ADAMTS19: variants seen among roughly 807,000 people sequenced by gnomAD.
ADAMTS19 encodes the protein ADAM metallopeptidase with thrombospondin type 1 motif 19.
Under a neutral mutation model 153.3 loss-of-function variants are expected in ADAMTS19, and 93 were observed. That is an observed-to-expected ratio of 0.61 (90% CI 0.51 to 0.72). The LOEUF (loss-of-function observed/expected upper bound fraction) is 0.72, where lower values mean the gene tolerates loss of function less well. ADAMTS19 is among the 30% of genes least tolerant of loss of function. The pLI is 0.00. For synonymous variants in ADAMTS19, 600 were observed against 556.6 expected (o/e 1.08, Z -1.10); for missense variants, 1,482 against 1,552.1 (o/e 0.95, Z 0.76).
intron 8 of ADAMTS19, among the ~76,000 whole-genome samples, chr5:129,606,433 G>A (rs575685475): frequency 5.9e-5 from 9 of 151,878 alleles, no homozygotes; most frequent in African/African-American, 2.2e-4. Context: ...TTCATTCTTC[G>A]TCCGAGAAAG....
At chr5:129,687,470 G>C (rs1019147809) in intron 18 of ADAMTS19, among the ~76,000 whole-genome samples, 1 of 152,088 alleles carries the variant, frequency 6.6e-6, no homozygotes, top group Non-Finnish European at 1.5e-5. Flanking sequence ...AATTGTCTAG[G>C]ATCAACATTC....
chr5:129,666,547 T>C (rs938541340), intron 16 of ADAMTS19, among the ~76,000 whole-genome samples: 1 of 152,160 alleles, frequency 6.6e-6, no homozygotes, highest in Non-Finnish European at 1.5e-5. Flanking sequence ...AAATACATAA[T>C]CTAAACTCAG....
chr5:129,489,513 T>C (rs940023147), intron 2 of ADAMTS19, among the ~76,000 whole-genome samples: 3 of 152,106 alleles, frequency 2.0e-5, no homozygotes, highest in African/African-American at 7.2e-5. Flanking sequence ...TAAAACAAAA[T>C]TTGTATGCTA....
chr5:129,530,103 C>T (rs1002646979), intron 6 of ADAMTS19, among the ~76,000 whole-genome samples: 8 of 152,056 alleles, frequency 5.3e-5, no homozygotes, highest in African/African-American at 1.9e-4. Flanking sequence ...CAGCTGTAAG[C>T]ACTCTTCAGA....
chr5:129,474,671 A>G (rs534327836), intron 2 of ADAMTS19, among the ~76,000 whole-genome samples: 3 of 151,342 alleles, frequency 2.0e-5, no homozygotes, highest in Non-Finnish European at 4.4e-5. Context: ...GAACATTTCT[A>G]TCAACTCAAA....
At chr5:129,644,166 T>C (rs1001088060) in intron 11 of ADAMTS19, among the ~76,000 whole-genome samples, 1 of 152,244 alleles carries the variant, frequency 6.6e-6, no homozygotes, top group African/African-American at 2.4e-5. Flanking sequence ...TATTTTCCTA[T>C]AATTGTGTTA....
intron 6 of ADAMTS19, among the ~76,000 whole-genome samples, chr5:129,530,818 A>G (rs1174868606): frequency 1.4e-5 from 2 of 142,888 alleles, no homozygotes; most frequent in Non-Finnish European, 3.1e-5. Flanking sequence ...GTAAAGCAGG[A>G]AAAAAAAAAA....
intron 19 of ADAMTS19, among the ~76,000 whole-genome samples, chr5:129,696,401 G>A (rs376911083): frequency 9.2e-5 from 14 of 152,210 alleles, no homozygotes; most frequent in South Asian, 2.1e-4. Flanking sequence ...AAAGAAGAGC[G>A]AAACTACATC....
At chr5:129,718,299 T>C (rs1474512804) in intron 21 of ADAMTS19, among the ~76,000 whole-genome samples, 3 of 152,134 alleles carry the variant, frequency 2.0e-5, no homozygotes, top group African/African-American at 7.2e-5. Context: ...TATAAATATA[T>C]GTAAACATTT....
Position 129,708,210 on chromosome 5 carries a change from C to T in ADAMTS19, c.3312+3819C>T, listed in dbSNP as rs79656465. ...TGATTTCTAAGAAAAAGTAATGCAGCCTTTGTTGAAAAATGTTCACGTTTA... is the reference window on the plus strand; with the variant it reads ...TGATTTCTAAGAAAAAGTAATGCAGTCTTTGTTGAAAAATGTTCACGTTTA... On this transcript the variant is annotated intron_variant, in intron 21 of 22. Coordinates refer to ENST00000274487, the MANE Select transcript of ADAMTS19 (RefSeq NM_133638.6). Among the ~76,000 whole-genome samples, 313 of 152,144 alleles carry T rather than the reference C, an allele frequency of 2.1e-3. 2 individuals carry two copies. The highest frequency in any genetic ancestry group is 7.3e-3 in the African/African-American group (302 of 41,508).
intron 8 of ADAMTS19, among the ~76,000 whole-genome samples, chr5:129,610,666 C>T (rs984811295): frequency 6.6e-6 from 1 of 152,136 alleles, no homozygotes; most frequent in Admixed American, 6.6e-5. Flanking sequence ...ATATGTGCCA[C>T]ATTTTCTTAA....
At chr5:129,480,413 A>G (rs1275408012) in intron 2 of ADAMTS19, among the ~76,000 whole-genome samples, 1 of 152,214 alleles carries the variant, frequency 6.6e-6, no homozygotes, top group African/African-American at 2.4e-5. Context: ...TGGACATCTT[A>G]AGTATTAAAA....
intron 2 of ADAMTS19, among the ~76,000 whole-genome samples, chr5:129,475,312 A>C (rs1030370677): frequency 3.3e-5 from 5 of 152,138 alleles, no homozygotes; most frequent in Admixed American, 6.5e-5. Flanking sequence ...GTGGTATCTC[A>C]GCACCATTTG....
intron 10 of ADAMTS19, among the ~76,000 whole-genome samples, chr5:129,628,437 T>C (rs1022808606): frequency 4.0e-5 from 6 of 150,890 alleles, no homozygotes; most frequent in African/African-American, 1.5e-4. Flanking sequence ...ACCTGTAATA[T>C]ACCCCTGAAC....
intron 21 of ADAMTS19, among the ~76,000 whole-genome samples, chr5:129,729,845 T>C (rs1015426779): frequency 3.9e-5 from 6 of 151,992 alleles, no homozygotes. Context: ...TCCCTTGGAG[T>C]TGATTATGTA....
chr5:129,622,375 C>T (rs765219995), intron 10 of ADAMTS19, 27 bp downstream of exon 10: 7 of 1,612,390 alleles, frequency 4.3e-6, no homozygotes, highest in African/African-American at 4.0e-5. Flanking sequence ...GGATTTTGTG[C>T]GTTCATTCAT....
At chr5:129,713,938 C>A (rs2127185695) in intron 21 of ADAMTS19, among the ~76,000 whole-genome samples, 1 of 152,128 alleles carries the variant, frequency 6.6e-6, no homozygotes, top group Non-Finnish European at 1.5e-5. Flanking sequence ...CTTAGTCCCC[C>A]TAGCCTCAAA....
At chr5:129,602,415 C>A (rs1750704443) in intron 8 of ADAMTS19, among the ~76,000 whole-genome samples, 1 of 152,168 alleles carries the variant, frequency 6.6e-6, no homozygotes, top group Admixed American at 6.5e-5. Flanking sequence ...TTCAAAATCC[C>A]ATATTTTATA....
In ADAMTS19 at chr5:129,526,435, C is replaced by T; in HGVS notation, c.1065C>T (p.Phe355=). The T allele has an allele frequency of 6.3e-7, 1 of 1,595,958 alleles. No homozygotes were observed. Among genetic ancestry groups the T allele is most frequent in the Non-Finnish European group, 8.5e-7 (1 of 1,173,366 alleles). The change falls in exon 4 of 23, where the codon TTC becomes TTT. Residue 355 remains phenylalanine (F), a synonymous_variant. Transcript: ENST00000274487. ...ATGGAGCAGATGCAGCCAGGAGATT[C>T]ATTCTAACCATCTTAAATATGGTAG... is the stretch of plus-strand genomic sequence containing the variant. The part of the protein sequence containing the change: ...SYHGADAARR[F]ILTILNMVFN...
Sources: allele counts gnomAD v4.1 joint callset (sites outside exome capture counted in the v4.1 genomes callset), GRCh38; gene constraint gnomAD v4.1.1; transcripts MANE v1.5; gene names NCBI Gene and HGNC (gene_info 2026-07-23, HGNC 2026-07-21).